Variants in EPRS1 observed in about 807,000 individuals in gnomAD.
EPRS1 encodes glutamyl-prolyl-tRNA synthetase 1, also known as bifunctional glutamate/proline--tRNA ligase.
A neutral mutation model predicts 188.3 loss-of-function variants in EPRS1; 107 were observed. The ratio of observed to expected loss-of-function variants is 0.57; its 90% CI spans 0.49 to 0.67. The LOEUF is 0.67. Ranked by LOEUF, EPRS1 falls within the 30% of genes least tolerant of loss-of-function variation. The pLI is 0.00. For missense variants in EPRS1, 1,577 were observed against 1,802.2 expected (o/e 0.88, Z 2.26); for synonymous variants, 596 against 593.1 (o/e 1.00, Z -0.07).
In EPRS1 at chr1:219,981,468, C is replaced by T. The variant is rs751173919; in HGVS notation, c.3374-11G>A. The T allele has an allele frequency of 4.4e-5, 68 of 1,562,394 alleles. No individual in the cohort carries two copies. The highest frequency in any genetic ancestry group is 1.7e-4 in the Middle Eastern group (1 of 5,902). On this transcript the variant is annotated splice_polypyrimidine_tract_variant and intron_variant, in intron 23 of 31. Coordinates refer to ENST00000366923, the MANE Select transcript of EPRS1 (RefSeq NM_004446.3). ...ATGCAGGATACATTACTGAAAGACA[C>T]GGGAAAATAGAGACAGTCATTTAAG...
chr1:220,045,566 G>C (rs1662385896), intron 1 of EPRS1, among the ~76,000 whole-genome samples: 1 of 151,910 alleles, frequency 6.6e-6, no homozygotes, highest in Non-Finnish European at 1.5e-5. Context: ...CCAAAGTAAT[G>C]AAAAAGCAGA....
chr1:219,999,076 C>T (rs781142588), intron 17 of EPRS1, among the ~76,000 whole-genome samples: 1 of 151,872 alleles, frequency 6.6e-6, no homozygotes, highest in Non-Finnish European at 1.5e-5. Context: ...ACCCAAAAAC[C>T]TTTCATATAA....
chr1:219,985,851 A>G (rs976314373), intron 20 of EPRS1, among the ~76,000 whole-genome samples: 10 of 152,170 alleles, frequency 6.6e-5, no homozygotes, highest in Non-Finnish European at 1.2e-4. Context: ...CTCTTTTTGG[A>G]GTTTAAAAAC....
chr1:220,017,014 A>C (rs375309672), intron 12 of EPRS1, among the ~76,000 whole-genome samples: 16 of 152,126 alleles, frequency 1.1e-4, no homozygotes, highest in South Asian at 6.2e-4. Context: ...GGGGTTTGAG[A>C]CCAGCCTGGC....
chr1:220,032,856 A>C (rs1662111943), intron 4 of EPRS1, among the ~76,000 whole-genome samples: 1 of 152,112 alleles, frequency 6.6e-6, no homozygotes. Context: ...TCTTGATTGT[A>C]ACCATAGTTC....
At chr1:220,017,119 AG>A (rs1415844917) in intron 12 of EPRS1, among the ~76,000 whole-genome samples, 1 of 152,128 alleles carries the variant, frequency 6.6e-6, no homozygotes, top group Non-Finnish European at 1.5e-5. Flanking sequence ...AGGCTGAGGC[AG>A]GAGAATCGCT....
intron 18 of EPRS1, among the ~76,000 whole-genome samples, chr1:219,989,310 ATGT>A (rs1350855695): frequency 2.0e-5 from 3 of 152,170 alleles, no homozygotes; most frequent in African/African-American, 4.8e-5. Context: ...ATGAGAAAGC[ATGT>A]TGAAGTTTTT....
At chr1:219,997,364 A>G (rs766089027) in intron 17 of EPRS1, 22 bp from the exon 18 acceptor site, 1 of 1,520,476 alleles carries the variant, frequency 6.6e-7, no homozygotes, top group Non-Finnish European at 8.8e-7. Context: ...GAAAACCAAA[A>G]GTAAAATAAT....
At position 220,026,018 on chromosome 1, in the gene EPRS1, C is replaced by A. The variant is rs35995726; in HGVS notation, c.624-760G>T. Among the ~76,000 whole-genome samples the A allele has an allele frequency of 1.2e-3, 186 of 152,276 alleles. 2 individuals carry two copies. The highest frequency in any genetic ancestry group is 4.1e-3 in the African/African-American group (172 of 41,548). On this transcript the variant is annotated intron_variant, in intron 6 of 31. Coordinates refer to ENST00000366923, the MANE Select transcript of EPRS1 (RefSeq NM_004446.3). ...CCATGTTGGCCAGGATGGTCTCGAT[C>A]TCTTGACCTCGTGATCCGCCTGCCT...
chr1:219,980,015 A>G, intron 26 of EPRS1, 70 bp downstream of exon 26: 3 of 1,317,014 alleles, frequency 2.3e-6, no homozygotes, highest in Non-Finnish European at 3.2e-6. Flanking sequence ...GTGATGACAG[A>G]AGAAATTATT....
rs200180155 is a variant in EPRS1, at chr1:220,040,247, G to A, written c.69C>T (p.His23=). The change falls in exon 2 of 32, where the codon CAC becomes CAT. Residue 23 remains histidine, a synonymous_variant. Coordinates refer to ENST00000366923, the MANE Select transcript of EPRS1 (RefSeq NM_004446.3). ...CGGAAATGCTGACATCGTCTTTCACGTGTTCTACTGCCAGCAAAGCTCCTA... is the reference window on the plus strand; with the variant it reads ...CGGAAATGCTGACATCGTCTTTCACATGTTCTACTGCCAGCAAAGCTCCTA... ...PPLGALLAVE[H]VKDDVSISVE... is the part of the protein sequence containing the mutation. 6.7e-5 allele frequency: 107 copies of A among 1,606,264 alleles called. 1 individual carries two copies. The Middle Eastern group carries it at 8.3e-4, about 12-fold the overall frequency.
intron 18 of EPRS1, 33 bp from the exon 19 acceptor site, chr1:219,988,856 A>C (rs767531404): frequency 7.1e-7 from 1 of 1,405,594 alleles, no homozygotes; most frequent in South Asian, 1.3e-5. Context: ...ATATTTATAA[A>C]ACTTTGGAAA....
At chr1:220,025,522 T>C (rs1329348543) in intron 6 of EPRS1, among the ~76,000 whole-genome samples, 2 of 152,056 alleles carry the variant, frequency 1.3e-5, no homozygotes, top group African/African-American at 4.8e-5. Context: ...TTACAAACAT[T>C]GCAACCTTAA....
At chr1:219,991,395 C>G (rs1018108814) in intron 18 of EPRS1, among the ~76,000 whole-genome samples, 1 of 151,946 alleles carries the variant, frequency 6.6e-6, no homozygotes, top group African/African-American at 2.4e-5. Flanking sequence ...TCCTTACTAG[C>G]ATATCTAAGA....
In EPRS1 at chr1:220,024,253, A is replaced by G; in HGVS notation, c.943+11T>C. On this transcript the variant is annotated intron_variant, in intron 8 of 31. Coordinates refer to ENST00000366923, the MANE Select transcript of EPRS1 (RefSeq NM_004446.3). The stretch of plus-strand genomic sequence containing the variant: ...AGAATATCAATTAAAATATAAAACA[A>G]TGTGGCTTACGGTTTTTTCTATGTT... 1 of 1,527,098 alleles carries G rather than the reference A, an allele frequency of 6.5e-7. No individual in the cohort carries two copies. Among genetic ancestry groups the G allele is most frequent in the Non-Finnish European group, 8.8e-7 (1 of 1,132,126 alleles). 94.6% of individuals were successfully genotyped at this position (1,527,098 alleles called of 1,614,324 possible). A position where few individuals can be genotyped will look rare whatever the true frequency, so the allele number is the denominator to read the frequency against.
intron 18 of EPRS1, among the ~76,000 whole-genome samples, 184 bp downstream of exon 18, chr1:219,996,799 C>A (rs1018994961): frequency 6.6e-6 from 1 of 152,094 alleles, no homozygotes; most frequent in African/African-American, 2.4e-5. Context: ...AGTAAGTCAC[C>A]CCTCCACTAG....
Position 219,972,028 on chromosome 1 carries a change from T to A in EPRS1, c.4323+41A>T, listed in dbSNP as rs1041594662. ...CAATGAGCCTTAAAATACAATTTAC[T>A]TAAATATTCTTATACTGAAAAGTTT... On this transcript the variant is annotated intron_variant, in intron 30 of 31. Transcript: ENST00000366923. The A allele has an allele frequency of 5.7e-6, 7 of 1,238,450 alleles. No homozygotes were observed. In the African/African-American group the frequency reaches 1.1e-4, roughly 19 times the overall value. 76.7% of individuals were successfully genotyped at this position (1,238,450 alleles called of 1,614,324 possible).
intron 8 of EPRS1, among the ~76,000 whole-genome samples, chr1:220,023,443 G>C (rs1031618678): frequency 6.6e-6 from 1 of 152,110 alleles, no homozygotes; most frequent in African/African-American, 2.4e-5. Flanking sequence ...GTGAAGTTCT[G>C]ACAACATAAT....
At chr1:219,998,153 C>T (rs1368342967) in intron 17 of EPRS1, among the ~76,000 whole-genome samples, 1 of 152,042 alleles carries the variant, frequency 6.6e-6, no homozygotes, top group Non-Finnish European at 1.5e-5. Flanking sequence ...AATGATCTGC[C>T]ACTTAATTTT....
Sources: gnomAD v4.1 joint callset for allele counts (sites outside exome capture counted in the v4.1 genomes callset) on GRCh38, gnomAD v4.1.1 for gene constraint, MANE v1.5 for transcripts, NCBI Gene and HGNC (gene_info 2026-07-23, HGNC 2026-07-21) for gene names.